The following NPEPPS variants were observed in gnomAD, a reference collection of about 807,000 sequenced individuals.
NPEPPS encodes the protein puromycin-sensitive aminopeptidase.
In NPEPPS, 14 loss-of-function variants were observed where a neutral mutation model predicts 115.5. That is an observed-to-expected ratio of 0.12 (90% CI 0.08 to 0.19). NPEPPS has a LOEUF of 0.19. NPEPPS is among the 10% of genes least tolerant of loss of function. NPEPPS has a pLI of 1.00. For synonymous variants in NPEPPS, 285 were observed against 390.6 expected (o/e 0.73, Z 3.19); for missense variants, 523 against 1,110.8 (o/e 0.47, Z 7.52).
At chr17:47,531,617 G>A in intron 1 of NPEPPS, 62 bp downstream of exon 1, 12 of 1,509,222 alleles carry the variant, frequency 8.0e-6, no homozygotes, top group African/African-American at 1.4e-5. Flanking sequence ...GCGCCCGCGG[G>A]CTGGACTCAG....
intron 2 of NPEPPS, chr17:47,559,589 A>G: frequency 4.4e-6 from 2 of 453,918 alleles, no homozygotes; most frequent in South Asian, 3.1e-5. Context: ...GGTTACTAAT[A>G]CTTAAGGTTC....
chr17:47,566,403 CTT>C (rs4060734), intron 2 of NPEPPS, among the ~76,000 whole-genome samples: 7 of 132,654 alleles, frequency 5.3e-5, no homozygotes, highest in African/African-American at 2.8e-5. Context: ...TTTTTATGTG[CTT>C]TTTTTTTTTG....
chr17:47,608,145 A>G (rs1483522640), intron 17 of NPEPPS, among the ~76,000 whole-genome samples: 1 of 152,104 alleles, frequency 6.6e-6, no homozygotes, highest in South Asian at 2.1e-4. Flanking sequence ...CCTGGCATAG[A>G]AGCATATTTG....
At chr17:47,612,060 A>T (rs1913904681) in intron 17 of NPEPPS, among the ~76,000 whole-genome samples, 1 of 151,982 alleles carries the variant, frequency 6.6e-6, no homozygotes, top group African/African-American at 2.4e-5. Flanking sequence ...GATTTTTAAA[A>T]TCTAAGATTT....
intron 2 of NPEPPS, among the ~76,000 whole-genome samples, chr17:47,564,761 TTA>T (rs763957308): frequency 4.0e-5 from 6 of 151,870 alleles, no homozygotes; most frequent in Non-Finnish European, 7.4e-5. Context: ...TCTTCAGTAT[TTA>T]TGGGTTTCTA....
intron 10 of NPEPPS, among the ~76,000 whole-genome samples, chr17:47,591,319 C>T (rs1156611107): frequency 1.3e-5 from 2 of 151,832 alleles, no homozygotes; most frequent in South Asian, 2.1e-4. Context: ...TGCGGTGAGC[C>T]GAGATCGTGC....
At chr17:47,592,986 A>G (rs1263440845) in intron 12 of NPEPPS, among the ~76,000 whole-genome samples, 8 of 152,150 alleles carry the variant, frequency 5.3e-5, no homozygotes, top group Non-Finnish European at 8.8e-5. Context: ...TTCCCACCCA[A>G]AATCTGAAAC....
intron 1 of NPEPPS, among the ~76,000 whole-genome samples, chr17:47,532,576 C>T (rs1300428867): frequency 6.6e-6 from 1 of 150,590 alleles, no homozygotes; most frequent in Non-Finnish European, 1.5e-5. Flanking sequence ...TCACTTGAAC[C>T]CGGGGGGCAG....
chr17:47,542,428 C>T (rs994349530), intron 1 of NPEPPS, among the ~76,000 whole-genome samples: 4 of 151,978 alleles, frequency 2.6e-5, no homozygotes, highest in Admixed American at 6.6e-5. Context: ...TGCCTGTAAT[C>T]CCAGCTACTA....
chr17:47,576,148 G>A lies in NPEPPS; in HGVS notation c.419-3242G>A, dbSNP rs1199656294. On this transcript the variant is annotated intron_variant, in intron 3 of 22. Coordinates refer to ENST00000322157, the MANE Select transcript of NPEPPS (RefSeq NM_006310.4). ...AGTAAAACCTACTTTTCTGAAATTG[G>A]CACCATTCTGGGATAGTGATTAAAT... 2.6e-5 allele frequency among the ~76,000 whole-genome samples: 4 copies of A among 152,046 alleles called. No individual in the cohort carries two copies. The South Asian group carries it at 6.2e-4, about 24-fold the overall frequency.
At chr17:47,610,984 G>A (rs1193088585) in intron 17 of NPEPPS, among the ~76,000 whole-genome samples, 2 of 150,062 alleles carry the variant, frequency 1.3e-5, no homozygotes, top group Non-Finnish European at 1.5e-5. Context: ...CTTCTGAGTA[G>A]CTGGGATTAC....
At chr17:47,619,653 A>G (rs1914419433) in intron 21 of NPEPPS, 84 bp from the exon 22 acceptor site, 4 of 1,122,832 alleles carry the variant, frequency 3.6e-6, no homozygotes. Flanking sequence ...TTGGCAGAGA[A>G]CAGAATGATT....
chr17:47,553,256 C>G (rs1471007068), intron 2 of NPEPPS, among the ~76,000 whole-genome samples: 2 of 151,174 alleles, frequency 1.3e-5, no homozygotes, highest in Admixed American at 6.6e-5. Context: ...GCCTGTAATC[C>G]TAGCTACTCG....
At chr17:47,563,135 G>A (rs1221184735) in intron 2 of NPEPPS, among the ~76,000 whole-genome samples, 5 of 151,564 alleles carry the variant, frequency 3.3e-5, no homozygotes, top group Admixed American at 6.6e-5. Context: ...CGTTTCAAGC[G>A]ATTCTCCTGC....
At chr17:47,527,368 C>T (rs967453713), upstream of NPEPPS, among the ~76,000 whole-genome samples, 12 of 151,396 alleles carry the variant, frequency 7.9e-5, no homozygotes, top group Admixed American at 2.6e-4. Context: ...CCTGTAATCC[C>T]AGCTACTTGG....
chr17:47,608,009 G>GT (rs572654459), intron 17 of NPEPPS, among the ~76,000 whole-genome samples: 1,988 of 144,078 alleles, frequency 0.014, 42 homozygotes, highest in African/African-American at 0.039. Flanking sequence ...ACCCAGCTAT[G>GT]TTTTTTTTTT....
rs940070317 is a variant in NPEPPS at position 47,601,253 on chromosome 17, C to CAT, written c.1601-342_1601-341dup. Among the ~76,000 whole-genome samples, 188 of 151,088 alleles carry CAT rather than the reference C, an allele frequency of 1.2e-3. 1 individual carries two copies. The highest frequency in any genetic ancestry group is 4.2e-3 in the African/African-American group (175 of 41,204). On this transcript the variant is annotated intron_variant, in intron 14 of 22. Transcript: ENST00000322157. ...CTGTCTCCAAAAAAAAATATACATACATATATATATATATTTTTTGTTGTT... is the reference window on the plus strand; with the variant it reads ...CTGTCTCCAAAAAAAAATATACATACATATATATATATATATTTTTTGTTGTT...
At chr17:47,566,974 C>T (rs756173161) in intron 2 of NPEPPS, among the ~76,000 whole-genome samples, 7 of 151,976 alleles carry the variant, frequency 4.6e-5, no homozygotes, top group Non-Finnish European at 8.8e-5. Flanking sequence ...CCAGCTATCC[C>T]GGAGGCTGAG....
intron 2 of NPEPPS, among the ~76,000 whole-genome samples, chr17:47,556,970 T>C (rs529223007): frequency 1.1e-3 from 169 of 152,304 alleles, no homozygotes; most frequent in Non-Finnish European, 2.1e-3. Context: ...ATCCCAGATC[T>C]TTTTCAGTTT....
Sources: gnomAD v4.1 joint callset for allele counts (sites outside exome capture counted in the v4.1 genomes callset) on GRCh38, gnomAD v4.1.1 for gene constraint, MANE v1.5 for transcripts, NCBI Gene and HGNC (gene_info 2026-07-23, HGNC 2026-07-21) for gene names.